GTF2IRD1: variants seen among roughly 807,000 people sequenced by gnomAD.
GTF2IRD1 encodes the protein general transcription factor II-I repeat domain-containing protein 1.
GTF2IRD1 carries 26 observed loss-of-function variants against 113.2 expected under a neutral mutation model. That is an observed-to-expected ratio of 0.23 (90% CI 0.17 to 0.32). The LOEUF (loss-of-function observed/expected upper bound fraction) is 0.32. Ranked by LOEUF, GTF2IRD1 falls within the 10% of genes least tolerant of loss-of-function variation. GTF2IRD1 has a pLI of 1.00. For synonymous variants in GTF2IRD1, 484 were observed against 529.1 expected, an observed-to-expected ratio of 0.91 and a Z score of 1.17; for missense variants, 864 against 1,280.8, an observed-to-expected ratio of 0.67 and a Z score of 4.97.
Position 74,518,198 on chromosome 7 carries a change from C to T in GTF2IRD1, c.481C>T (p.Pro161Ser), listed in dbSNP as rs1283565459. The T allele has an allele frequency of 1.2e-6, 2 of 1,610,562 alleles. No individual in the cohort carries two copies. Among genetic ancestry groups the T allele is most frequent in the African/African-American group, 2.7e-5 (2 of 74,878 alleles). ...PLPYERLLRE[P>S]GLLAVQGLPE... ...GCCCTATGAGAGGCTGCTCAGGGAGCCAGGGCTGCTGGCCGTGCAGGGGCT... is the reference window on the plus strand; with the variant it reads ...GCCCTATGAGAGGCTGCTCAGGGAGTCAGGGCTGCTGGCCGTGCAGGGGCT... Residue 161 changes from proline (P) to serine (S), a missense_variant, in exon 5 of 27, where the codon CCA becomes TCA. Around this residue, in one of 7 missense-constraint regions of GTF2IRD1, gnomAD observed 182 missense variants for 266.6 expected, o/e 0.68. Coordinates refer to ENST00000424337, the MANE Select transcript of GTF2IRD1 (RefSeq NM_005685.4).
intron 3 of GTF2IRD1, 150 bp downstream of exon 3, chr7:74,513,121 T>C (rs1281157077): frequency 2.8e-5 from 21 of 757,200 alleles, no homozygotes; most frequent in Non-Finnish European, 4.2e-5. Flanking sequence ...ATTCCCGATG[T>C]GGTGTTATTG....
At chr7:74,534,962 C>A in intron 9 of GTF2IRD1, 151 bp from the exon 10 acceptor site, 1 of 692,040 alleles carries the variant, frequency 1.4e-6, no homozygotes, top group Non-Finnish European at 2.7e-6. Context: ...CATGCCCTCT[C>A]CTGCCTGCAT....
chr7:74,538,635 G>T, intron 12 of GTF2IRD1, 45 bp from the exon 13 acceptor site: 1 of 1,075,270 alleles, frequency 9.3e-7, no homozygotes, highest in Non-Finnish European at 1.5e-6. Context: ...CTGCCCAGTC[G>T]GGATCATGCC....
At position 74,550,591 on chromosome 7, in the gene GTF2IRD1, A is replaced by T. The variant is rs587644215; in HGVS notation, c.1916+3305A>T. Reference sequence around the variant, plus strand: ...GACAGAGTAAGACCCTGTCTCGAAAATTTTTTTTTTTTAATTTTTTTAAAA... The same window carrying T: ...GACAGAGTAAGACCCTGTCTCGAAATTTTTTTTTTTTTAATTTTTTTAAAA... On this transcript the variant is annotated intron_variant, in intron 17 of 26. Coordinates refer to ENST00000424337, the MANE Select transcript of GTF2IRD1 (RefSeq NM_005685.4). Among the ~76,000 whole-genome samples the T allele has an allele frequency of 2.4e-4, 35 of 146,340 alleles. No homozygotes were observed. The East Asian group carries it at 6.4e-3, about 27-fold the overall frequency.
intron 1 of GTF2IRD1, among the ~76,000 whole-genome samples, chr7:74,460,687 C>T (rs1328272612): frequency 2.0e-5 from 3 of 151,728 alleles, no homozygotes; most frequent in Non-Finnish European, 4.4e-5. Flanking sequence ...GATTTCTGGC[C>T]AATGTGGTCC....
intron 4 of GTF2IRD1, among the ~76,000 whole-genome samples, chr7:74,516,012 G>T (rs1224947140): frequency 6.6e-6 from 1 of 152,112 alleles, no homozygotes; most frequent in Non-Finnish European, 1.5e-5. Context: ...TGGCACAGGG[G>T]CCCACACACC....
At chr7:74,530,313 G>T (rs1797885394) in intron 9 of GTF2IRD1, among the ~76,000 whole-genome samples, 1 of 152,006 alleles carries the variant, frequency 6.6e-6, no homozygotes, top group Non-Finnish European at 1.5e-5. Context: ...GCCTGGGGAG[G>T]CAATGATGGG....
chr7:74,524,198 T>A, intron 8 of GTF2IRD1, 44 bp downstream of exon 8: 1 of 1,367,744 alleles, frequency 7.3e-7, no homozygotes, highest in African/African-American at 1.4e-5. Context: ...AGCAGCCGTG[T>A]TGAGCATCTC....
intron 22 of GTF2IRD1, among the ~76,000 whole-genome samples, chr7:74,570,278 G>A (rs1212003489): frequency 3.3e-5 from 5 of 151,432 alleles, no homozygotes; most frequent in Admixed American, 1.3e-4. Flanking sequence ...CAGGAGAATC[G>A]CTTGAACCTG....
intron 2 of GTF2IRD1, 47 bp downstream of exon 2, chr7:74,508,250 C>T: frequency 6.3e-7 from 1 of 1,579,086 alleles, no homozygotes; most frequent in Non-Finnish European, 8.6e-7. Context: ...GTGAGCGTCC[C>T]CACCTGCCTT....
chr7:74,468,088 C>G (rs1191490427), intron 1 of GTF2IRD1, among the ~76,000 whole-genome samples: 1 of 152,142 alleles, frequency 6.6e-6, no homozygotes, highest in East Asian at 1.9e-4. Context: ...GCTTTACTCC[C>G]CAGTGTACAC....
chr7:74,480,462 G>C (rs1386483649), intron 1 of GTF2IRD1, among the ~76,000 whole-genome samples: 1 of 152,246 alleles, frequency 6.6e-6, no homozygotes, highest in African/African-American at 2.4e-5. Flanking sequence ...TTTGCAGGGA[G>C]CCGTGGCCCT....
chr7:74,593,732 C>G (rs1463996333), intron 24 of GTF2IRD1, among the ~76,000 whole-genome samples: 1 of 81,614 alleles, frequency 1.2e-5, no homozygotes, highest in African/African-American at 4.8e-5. Flanking sequence ...GACTCCATCT[C>G]AAAAAAAAAA....
At chr7:74,483,111 C>T (rs1794834249) in intron 1 of GTF2IRD1, among the ~76,000 whole-genome samples, 1 of 152,150 alleles carries the variant, frequency 6.6e-6, no homozygotes, top group Admixed American at 6.6e-5. Context: ...CAGTCTGACG[C>T]CTCTGGGCCG....
chr7:74,537,248 A>G (rs1554350445), intron 11 of GTF2IRD1, among the ~76,000 whole-genome samples: 1 of 152,116 alleles, frequency 6.6e-6, no homozygotes. Context: ...CGTCTCTACT[A>G]AAAATACAAA....
At chr7:74,510,626 G>C (rs782690288) in intron 2 of GTF2IRD1, among the ~76,000 whole-genome samples, 1 of 151,874 alleles carries the variant, frequency 6.6e-6, no homozygotes, top group African/African-American at 2.4e-5. Context: ...ATTCGAATTC[G>C]TTAAAACGAA....
At chr7:74,556,264 A>AAGAG (rs587693569) in intron 19 of GTF2IRD1, among the ~76,000 whole-genome samples, 36 of 149,604 alleles carry the variant, frequency 2.4e-4, no homozygotes, top group Non-Finnish European at 4.6e-4. Context: ...AAAAAAAAGA[A>AAGAG]AGAGAGAGAG....
intron 1 of GTF2IRD1, among the ~76,000 whole-genome samples, chr7:74,488,866 G>A (rs1487156814): frequency 6.6e-6 from 1 of 152,014 alleles, no homozygotes; most frequent in Non-Finnish European, 1.5e-5. Flanking sequence ...CTTTTGCCTG[G>A]GCGCGGTGGT....
intron 22 of GTF2IRD1, among the ~76,000 whole-genome samples, chr7:74,583,007 T>C (rs1282979784): frequency 6.6e-6 from 1 of 152,016 alleles, no homozygotes; most frequent in African/African-American, 2.4e-5. Flanking sequence ...TAATTCTCTT[T>C]ACTCTAAATT....
Sources: allele counts gnomAD v4.1 joint callset (sites outside exome capture counted in the v4.1 genomes callset), GRCh38; gene constraint gnomAD v4.1.1; regional missense constraint gnomAD v4.1.1; transcripts MANE v1.5; gene names NCBI Gene and HGNC (gene_info 2026-07-23, HGNC 2026-07-21).